The following PRKCA variants were observed in gnomAD, a reference collection of about 807,000 sequenced individuals.
PRKCA encodes protein kinase C alpha type.
A neutral mutation model predicts 87.0 loss-of-function variants in PRKCA; 27 were observed. That is an observed-to-expected ratio of 0.31 (90% CI 0.23 to 0.43). The LOEUF (loss-of-function observed/expected upper bound fraction) is 0.43. Among genes scored for constraint, PRKCA ranks in the 20% least tolerant of loss-of-function variants. The probability of loss-of-function intolerance (pLI) is 1.00; values close to 1 mark genes in which losing one functional copy is unlikely to be tolerated. For synonymous variants in PRKCA, 329 were observed against 311.1 expected, an observed-to-expected ratio of 1.06 and a Z score of -0.61; for missense variants, 518 against 852.3, an observed-to-expected ratio of 0.61 and a Z score of 4.88.
chr17:66,769,098 C>G (rs1312153475), intron 13 of PRKCA, among the ~76,000 whole-genome samples: 5 of 152,126 alleles, frequency 3.3e-5, no homozygotes, highest in Non-Finnish European at 7.3e-5. Flanking sequence ...AGGGACAACT[C>G]ATTTCAGTTA....
At chr17:66,387,649 G>A (rs1372191224) in intron 2 of PRKCA, among the ~76,000 whole-genome samples, 1 of 152,210 alleles carries the variant, frequency 6.6e-6, no homozygotes, top group Non-Finnish European at 1.5e-5. Context: ...TTCTTAGTTT[G>A]TAATCATCCT....
At position 66,308,409 on chromosome 17, in the gene PRKCA, A is replaced by G. The variant is rs556251757; in HGVS notation, c.205+2282A>G. The stretch of plus-strand genomic sequence containing the variant: ...GGTGAGCTTGAACTTTTTTTTTCAA[A>G]TGTGTTTTAGCCATTTGTGTTGTGT... On this transcript the variant is annotated intron_variant, in intron 2 of 16. Transcript: ENST00000413366. 2.0e-5 allele frequency among the ~76,000 whole-genome samples: 3 copies of G among 151,962 alleles called. No homozygotes were observed. In the East Asian group the frequency reaches 5.8e-4, roughly 29 times the overall value.
intron 3 of PRKCA, among the ~76,000 whole-genome samples, chr17:66,618,077 G>A (rs942305849): frequency 6.6e-6 from 1 of 152,150 alleles, no homozygotes; most frequent in African/African-American, 2.4e-5. Context: ...CATTCAGGCC[G>A]AATGCAGTGG....
At chr17:66,781,864 G>GATATATATATATATATATATATATAT (rs1474229305) in intron 14 of PRKCA, among the ~76,000 whole-genome samples, 1 of 117,328 alleles carries the variant, frequency 8.5e-6, no homozygotes, top group African/African-American at 4.0e-5. Context: ...GAGAGAGAGA[G>GATATATATATATATATATATATATAT]AGAGATATAT....
chr17:66,739,703 T>G (rs999154556), intron 11 of PRKCA, among the ~76,000 whole-genome samples: 1 of 151,040 alleles, frequency 6.6e-6, no homozygotes, highest in African/African-American at 2.4e-5. Flanking sequence ...CAGAAGCAAG[T>G]CCAGGGAAGC....
chr17:66,566,010 G>C (rs551801751), intron 3 of PRKCA, among the ~76,000 whole-genome samples: 3 of 152,280 alleles, frequency 2.0e-5, no homozygotes, highest in Middle Eastern at 6.8e-3. Context: ...ACACCTGCCA[G>C]CTGTTTGTGA....
At chr17:66,488,906 C>T (rs1024475978) in intron 2 of PRKCA, among the ~76,000 whole-genome samples, 4 of 152,132 alleles carry the variant, frequency 2.6e-5, no homozygotes, top group Non-Finnish European at 4.4e-5. Flanking sequence ...CAATAATTTT[C>T]TTTTAACATG....
chr17:66,390,675 A>G (rs536124383), intron 2 of PRKCA, among the ~76,000 whole-genome samples: 51 of 152,308 alleles, frequency 3.3e-4, no homozygotes, highest in African/African-American at 1.2e-3. Context: ...TCACTTTTTA[A>G]TTATGTGACC....
chr17:66,733,644 T>C (rs538738623), intron 9 of PRKCA, among the ~76,000 whole-genome samples: 7 of 152,094 alleles, frequency 4.6e-5, no homozygotes, highest in Admixed American at 4.6e-4. Context: ...ATACAAAAAT[T>C]AGCTGGGTGT....
At chr17:66,776,776 C>T (rs970324107) in intron 14 of PRKCA, among the ~76,000 whole-genome samples, 18 of 152,328 alleles carry the variant, frequency 1.2e-4, no homozygotes, top group Admixed American at 3.9e-4. Flanking sequence ...CAGGGTCTTA[C>T]ATCTCTTCTC....
rs144316479 is a variant in PRKCA at position 66,364,627 on chromosome 17, G to A, written c.205+58500G>A. ...AATGTGATTGAAGTAGGGGGAGTGC[G>A]GGAGCAGGGAGGGTGTGATTGATGC... On this transcript the variant is annotated intron_variant, in intron 2 of 16. Coordinates refer to ENST00000413366, the MANE Select transcript of PRKCA (RefSeq NM_002737.3). Among the ~76,000 whole-genome samples the A allele has an allele frequency of 2.0e-5, 3 of 152,266 alleles. No individual in the cohort carries two copies. The East Asian group carries it at 5.8e-4, about 29-fold the overall frequency.
intron 2 of PRKCA, among the ~76,000 whole-genome samples, chr17:66,347,223 C>A (rs1567782940): frequency 6.6e-6 from 1 of 151,868 alleles, no homozygotes; most frequent in Non-Finnish European, 1.5e-5. Flanking sequence ...TTTTCCCTAA[C>A]AAAAAAAATT....
At chr17:66,665,247 T>C (rs9897506) in intron 5 of PRKCA, among the ~76,000 whole-genome samples, 79,577 of 152,008 alleles carry the variant, frequency 0.52, 20,962 homozygotes, top group African/African-American at 0.57. Flanking sequence ...ACTCTTACCT[T>C]CATTTAAATG....
intron 2 of PRKCA, among the ~76,000 whole-genome samples, chr17:66,430,571 G>C (rs539398781): frequency 5.9e-5 from 9 of 152,066 alleles, no homozygotes; most frequent in African/African-American, 1.9e-4. Flanking sequence ...GTCTGATGCA[G>C]GTCCTTAGGG....
At chr17:66,784,917 G>T (rs950981053) in intron 14 of PRKCA, among the ~76,000 whole-genome samples, 8 of 152,196 alleles carry the variant, frequency 5.3e-5, no homozygotes, top group Non-Finnish European at 1.2e-4. Flanking sequence ...GCTCCTGCTG[G>T]TGGAAGTTGC....
intron 8 of PRKCA, among the ~76,000 whole-genome samples, chr17:66,691,366 G>A (rs1454636247): frequency 1.3e-5 from 2 of 152,136 alleles, no homozygotes; most frequent in Non-Finnish European, 2.9e-5. Context: ...TCTATCAATA[G>A]AGAGAAAAGA....
At chr17:66,638,803 G>A (rs1225933820) in intron 3 of PRKCA, among the ~76,000 whole-genome samples, 2 of 151,874 alleles carry the variant, frequency 1.3e-5, no homozygotes, top group Admixed American at 6.6e-5. Context: ...AGCAGAGATC[G>A]TGCCACTGCA....
rs140013417 is a variant in PRKCA, at chr17:66,461,432, A to G, written c.206-34769A>G. On this transcript the variant is annotated intron_variant, in intron 2 of 16. Transcript: ENST00000413366. ...ATTTTTAGCAATAGTGAGATGTTCTATAGTGGAGTGCCCGTGTCACCTGAG... is the reference window on the plus strand; with the variant it reads ...ATTTTTAGCAATAGTGAGATGTTCTGTAGTGGAGTGCCCGTGTCACCTGAG... Among the ~76,000 whole-genome samples the G allele has an allele frequency of 3.3e-5, 5 of 152,242 alleles. No individual in the cohort carries two copies. The East Asian group carries it at 9.7e-4, about 29-fold the overall frequency.
chr17:66,409,053 A>AAAAAG (rs1555599882), intron 2 of PRKCA, among the ~76,000 whole-genome samples: 1 of 150,990 alleles, frequency 6.6e-6, no homozygotes, highest in African/African-American at 2.4e-5. Flanking sequence ...AAAAAAAAAA[A>AAAAAG]AAGAAGAAGA....
Sources: gnomAD v4.1 joint callset for allele counts (sites outside exome capture counted in the v4.1 genomes callset) on GRCh38, gnomAD v4.1.1 for gene constraint, MANE v1.5 for transcripts, NCBI Gene and HGNC (gene_info 2026-07-23, HGNC 2026-07-21) for gene names.